Variants in PPIL2 observed in about 807,000 individuals in gnomAD.
PPIL2 encodes the protein peptidylprolyl isomerase like 2, also known as RING-type E3 ubiquitin-protein ligase PPIL2.
PPIL2 carries 50 observed loss-of-function variants against 75.2 expected under a neutral mutation model. The observed-to-expected ratio is 0.66, with a 90% CI of 0.53 to 0.84. The LOEUF (loss-of-function observed/expected upper bound fraction) is 0.84, where lower values mean the gene tolerates loss of function less well. Ranked by LOEUF, PPIL2 falls within the 40% of genes least tolerant of loss-of-function variation. The probability of loss-of-function intolerance (pLI) is 0.00; values close to 1 mark genes in which losing one functional copy is unlikely to be tolerated. For synonymous variants in PPIL2, 245 were observed against 258.8 expected (o/e 0.95, Z 0.51); for missense variants, 590 against 685.0 (o/e 0.86, Z 1.55).
chr22:21,685,310 G>C (rs1001542007), intron 10 of PPIL2, among the ~76,000 whole-genome samples: 1 of 152,202 alleles, frequency 6.6e-6, no homozygotes, highest in African/African-American at 2.4e-5. Flanking sequence ...GGCCCGATGT[G>C]CACTGGGGCC....
intron 5 of PPIL2, 27 bp from the exon 6 acceptor site, chr22:21,675,037 A>C: frequency 6.3e-7 from 1 of 1,587,038 alleles, no homozygotes; most frequent in East Asian, 2.2e-5. Context: ...ATTCATTATC[A>C]TTAATTATTA....
chr22:21,675,362 C>T (rs1465168875), intron 6 of PPIL2, among the ~76,000 whole-genome samples: 1 of 152,106 alleles, frequency 6.6e-6, no homozygotes, highest in Non-Finnish European at 1.5e-5. Flanking sequence ...ATGGTAAAAC[C>T]CCGTTTCTAC....
At chr22:21,680,723 G>A (rs5754627) in intron 6 of PPIL2, among the ~76,000 whole-genome samples, 37,188 of 150,360 alleles carry the variant, frequency 0.25, 4,610 homozygotes, top group Middle Eastern at 0.32. Context: ...CCAGCTACTC[G>A]GGAGGCTGAG....
intron 15 of PPIL2, among the ~76,000 whole-genome samples, chr22:21,691,541 A>G (rs530116729): frequency 8.5e-5 from 13 of 152,062 alleles, no homozygotes; most frequent in Admixed American, 2.0e-4. Context: ...CTAGCCGGGC[A>G]TGGTGGCAGG....
chr22:21,692,449 T>A (rs861823), intron 15 of PPIL2, among the ~76,000 whole-genome samples: 1 of 151,638 alleles, frequency 6.6e-6, no homozygotes, highest in African/African-American at 2.4e-5. Context: ...CCACTGTGCC[T>A]GGCCAATCCT....
At position 21,694,937 on chromosome 22, in the gene PPIL2, A is replaced by G. The variant is rs2067854583; in HGVS notation, c.1333A>G (p.Ile445Val). 1.2e-6 allele frequency: 2 copies of G among 1,613,042 alleles called. No homozygotes were observed. The highest frequency in any genetic ancestry group is 1.7e-5 in the Admixed American group (1 of 59,824). ...VDPYEEADAQ[I>V]AQERKTQLKV... The stretch of plus-strand genomic sequence containing the variant: ...TAGCCAGCGCCCTGTTGTGCCACAG[A>G]TTGCGCAGGAGCGGAAGACACAGCT... The change falls in exon 19 of 20, where the codon ATT becomes GTT. Residue 445 changes from isoleucine (I) to valine (V), a missense_variant and splice_region_variant. Coordinates refer to ENST00000398831, the MANE Select transcript of PPIL2 (RefSeq NM_014337.4).
At chr22:21,681,202 T>G in intron 6 of PPIL2, 97 bp from the exon 7 acceptor site, 1 of 1,004,302 alleles carries the variant, frequency 1.0e-6, no homozygotes, top group South Asian at 1.3e-5. Context: ...CATCGCTGAC[T>G]TTGGAGTTCT....
intron 1 of PPIL2, among the ~76,000 whole-genome samples, chr22:21,666,841 G>C (rs531272249): frequency 1.3e-5 from 2 of 150,588 alleles, no homozygotes; most frequent in Admixed American, 6.6e-5. Flanking sequence ...AAATCCACCC[G>C]TGCCCCGTGC....
intron 4 of PPIL2, among the ~76,000 whole-genome samples, chr22:21,671,998 C>T (rs1264672610): frequency 6.6e-6 from 1 of 152,058 alleles, no homozygotes; most frequent in African/African-American, 2.4e-5. Flanking sequence ...CTGCAGTGAG[C>T]CATGACTGAA....
intron 19 of PPIL2, 51 bp downstream of exon 19, chr22:21,695,121 T>C: frequency 1.3e-6 from 2 of 1,524,284 alleles, no homozygotes; most frequent in Non-Finnish European, 1.8e-6. Context: ...TTCCTAGGGC[T>C]GACTGAGGTC....
rs753300297 is a variant in PPIL2 at position 21,693,883 on chromosome 22, C to T, written c.1196+11C>T. ...TACCATCTTTGGACGGTAAGGGAAG[C>T]GGCTGTGTGAAGCCTGGGGGGTCAG... On this transcript the variant is annotated intron_variant, in intron 16 of 19. Transcript: ENST00000398831. The T allele has an allele frequency of 5.2e-6, 8 of 1,533,440 alleles. No individual in the cohort carries two copies. Among genetic ancestry groups the T allele is most frequent in the Non-Finnish European group, 6.3e-6 (7 of 1,106,674 alleles). 95.0% of individuals were successfully genotyped at this position (1,533,440 alleles called of 1,614,324 possible).
intron 7 of PPIL2, 29 bp from the exon 8 acceptor site, chr22:21,682,408 A>G (rs376376855): frequency 2.5e-6 from 4 of 1,593,928 alleles, no homozygotes; most frequent in Non-Finnish European, 3.4e-6. Flanking sequence ...TGGGGCAGGC[A>G]TCGTAAAACC....
intron 14 of PPIL2, 145 bp downstream of exon 14, chr22:21,688,251 C>G: frequency 9.3e-7 from 1 of 1,080,058 alleles, no homozygotes; most frequent in Admixed American, 2.0e-5. Context: ...GTGCTGTGCC[C>G]CCTCAGGCCT....
rs1041385213 is a variant in PPIL2 at position 21,697,090 on chromosome 22, C to T, written c.*1600C>T. ...GAGTGACTTTTGACGCCCTCCATCC[C>T]TCCCGCCAGGCACTGTCCTCCGCAA... On this transcript the variant is annotated 3_prime_UTR_variant, in exon 20 of 20. Coordinates refer to ENST00000398831, the MANE Select transcript of PPIL2 (RefSeq NM_014337.4). The T allele has an allele frequency of 6.5e-6, 8 of 1,235,076 alleles. No individual in the cohort carries two copies. In the African/African-American group the frequency reaches 1.2e-4, roughly 19 times the overall value. 76.5% of individuals were successfully genotyped at this position (1,235,076 alleles called of 1,614,324 possible). A position where few individuals can be genotyped will look rare whatever the true frequency, so the allele number is the denominator to read the frequency against.
intron 16 of PPIL2, among the ~76,000 whole-genome samples, 158 bp from the exon 17 acceptor site, chr22:21,694,435 G>A (rs1025609382): frequency 2.0e-5 from 3 of 151,856 alleles, no homozygotes; most frequent in African/African-American, 7.3e-5. Flanking sequence ...AGCCGACCCC[G>A]CCCTTGCCAC....
intron 15 of PPIL2, among the ~76,000 whole-genome samples, chr22:21,692,286 G>C (rs1218692206): frequency 6.6e-6 from 1 of 151,912 alleles, no homozygotes; most frequent in Non-Finnish European, 1.5e-5. Context: ...CTCCCTAGTA[G>C]CTGGGACTAC....
At position 21,669,848 on chromosome 22, in the gene PPIL2, CT is replaced by C; in HGVS notation, c.33-63del. ...TTGCTGAGTAAGCAAAGATTACTCA[CT>C]TCCAAAGACTTCGTCCTCTTTATAA... On this transcript the variant is annotated intron_variant, in intron 1 of 19. Coordinates refer to ENST00000398831, the MANE Select transcript of PPIL2 (RefSeq NM_014337.4). The C allele has an allele frequency of 1.5e-5, 22 of 1,504,892 alleles. 1 individual carries two copies. In the South Asian group the frequency reaches 2.5e-4, roughly 17 times the overall value. The allele number at this position is 1,504,892 out of a possible 1,614,324, so 93.2% of individuals were successfully genotyped here. A position where few individuals can be genotyped will look rare whatever the true frequency, so the allele number is the denominator to read the frequency against.
chr22:21,684,454 CA>C (rs1028354500), intron 9 of PPIL2, among the ~76,000 whole-genome samples: 118 of 47,540 alleles, frequency 2.5e-3, no homozygotes, highest in East Asian at 8.5e-3. Flanking sequence ...TCCATCTCCA[CA>C]AAAAAAAAAA....
chr22:21,666,329 C>G (rs2066375868), intron 1 of PPIL2, among the ~76,000 whole-genome samples, 198 bp downstream of exon 1: 1 of 152,094 alleles, frequency 6.6e-6, no homozygotes, highest in Non-Finnish European at 1.5e-5. Context: ...GGCCGCGGCT[C>G]CGATGACGTC....
Sources: gnomAD v4.1 joint callset for allele counts (sites outside exome capture counted in the v4.1 genomes callset) on GRCh38, gnomAD v4.1.1 for gene constraint, MANE v1.5 for transcripts, NCBI Gene and HGNC (gene_info 2026-07-23, HGNC 2026-07-21) for gene names.